Variants in PDGFRL observed in about 807,000 individuals in gnomAD.
PDGFRL encodes the protein platelet-derived growth factor receptor-like protein.
In PDGFRL, 46 loss-of-function variants were observed where a neutral mutation model predicts 37.2. The ratio of observed to expected loss-of-function variants is 1.24; its 90% CI spans 0.98 to 1.58. PDGFRL has a LOEUF of 1.58. Ranked by LOEUF, PDGFRL falls within the 40% of genes most tolerant of loss-of-function variation. PDGFRL has a pLI of 0.00. For synonymous variants in PDGFRL, 251 were observed against 184.3 expected (o/e 1.36, Z -2.93); for missense variants, 692 against 467.6 (o/e 1.48, Z -4.43).
chr8:17,586,385 T>C (rs141044108), intron 1 of PDGFRL, among the ~76,000 whole-genome samples: 2 of 152,176 alleles, frequency 1.3e-5, no homozygotes, highest in Non-Finnish European at 2.9e-5. Flanking sequence ...TGGAACTCCA[T>C]GTCACATCAA....
chr8:17,582,603 T>C (rs1198147976), intron 1 of PDGFRL, among the ~76,000 whole-genome samples: 1 of 144,552 alleles, frequency 6.9e-6, no homozygotes, highest in East Asian at 2.1e-4. Flanking sequence ...AAAAAAAACT[T>C]AGGCTCAAGA....
At chr8:17,578,070 A>T (rs963511270) in intron 1 of PDGFRL, among the ~76,000 whole-genome samples, 2 of 151,404 alleles carry the variant, frequency 1.3e-5, no homozygotes, top group African/African-American at 4.9e-5. Flanking sequence ...GGGTGTGTGT[A>T]TTACTGTGGT....
chr8:17,624,291 A>G (rs1053868174), intron 3 of PDGFRL, among the ~76,000 whole-genome samples: 86 of 152,308 alleles, frequency 5.6e-4, no homozygotes, highest in African/African-American at 2.0e-3. Flanking sequence ...TTGATTAAAA[A>G]CACTGAAGCT....
At chr8:17,594,631 G>A (rs1417148906) in intron 2 of PDGFRL, among the ~76,000 whole-genome samples, 1 of 149,342 alleles carries the variant, frequency 6.7e-6, no homozygotes, top group Admixed American at 6.7e-5. Flanking sequence ...CTCAGCTCAC[G>A]GCAACCTCCG....
intron 5 of PDGFRL, among the ~76,000 whole-genome samples, chr8:17,638,352 T>C (rs964567819): frequency 6.6e-6 from 1 of 152,148 alleles, no homozygotes; most frequent in Non-Finnish European, 1.5e-5. Flanking sequence ...TTTGTATGTT[T>C]TGAGGGTTGC....
At chr8:17,600,710 A>G (rs932676220) in intron 2 of PDGFRL, among the ~76,000 whole-genome samples, 1 of 151,818 alleles carries the variant, frequency 6.6e-6, no homozygotes, top group Admixed American at 6.6e-5. Flanking sequence ...TGCTGTGGTG[A>G]GAAGATCACT....
rs3040922 is a variant in PDGFRL at position 17,609,634 on chromosome 8, TAAAAAAAAAAAAA to T, written c.354-11398_354-11386del. On this transcript the variant is annotated intron_variant, in intron 2 of 5. Transcript: ENST00000251630. The stretch of plus-strand genomic sequence containing the variant: ...GCCTGGGTGACAGAGTGAGACTCTG[TAAAAAAAAAAAAA>T]AAAAAAAAAAAAAAAAAATAAGAGC... 3.4e-4 allele frequency among the ~76,000 whole-genome samples: 15 copies of T among 43,546 alleles called. 1 individual carries two copies. In the East Asian group the frequency reaches 6.3e-3, roughly 18 times the overall value. 28.6% of individuals were successfully genotyped at this position (43,546 alleles called of 152,430 possible).
chr8:17,618,577 C>G (rs1804573657), intron 2 of PDGFRL, among the ~76,000 whole-genome samples: 2 of 152,192 alleles, frequency 1.3e-5, no homozygotes, highest in South Asian at 2.1e-4. Context: ...GGAAGACTTG[C>G]TCACAAGCGA....
chr8:17,606,437 T>A (rs971374998), intron 2 of PDGFRL, among the ~76,000 whole-genome samples: 1 of 152,186 alleles, frequency 6.6e-6, no homozygotes, highest in Admixed American at 6.5e-5. Flanking sequence ...TAATTTGCAG[T>A]GGCCAGTCAA....
At chr8:17,641,674 A>G (rs909777065) in intron 5 of PDGFRL, among the ~76,000 whole-genome samples, 6 of 152,212 alleles carry the variant, frequency 3.9e-5, no homozygotes, top group African/African-American at 1.2e-4. Context: ...GCTTGCTAAA[A>G]TAACAGCTCT....
chr8:17,626,189 C>A (rs192505628), intron 3 of PDGFRL, among the ~76,000 whole-genome samples: 1 of 152,338 alleles, frequency 6.6e-6, no homozygotes, highest in Admixed American at 6.5e-5. Context: ...ACTCCAGATT[C>A]TTCTCTTGAC....
intron 2 of PDGFRL, among the ~76,000 whole-genome samples, chr8:17,604,719 AAAACTT>A (rs1441481123): frequency 6.6e-6 from 1 of 152,226 alleles, no homozygotes; most frequent in Non-Finnish European, 1.5e-5. Context: ...CATGTACTCT[AAAACTT>A]AAAGTATAAT....
intron 2 of PDGFRL, among the ~76,000 whole-genome samples, chr8:17,609,127 G>T (rs1252569798): frequency 1.3e-5 from 2 of 152,124 alleles, no homozygotes; most frequent in African/African-American, 4.8e-5. Context: ...AGGCTGGGGT[G>T]GGTGGTTGAG....
Position 17,597,502 on chromosome 8 carries a change from T to C in PDGFRL, c.353+7737T>C, listed in dbSNP as rs566780961. Among the ~76,000 whole-genome samples, 3 of 152,232 alleles carry C rather than the reference T, an allele frequency of 2.0e-5. No individual in the cohort carries two copies. In the East Asian group the frequency reaches 5.8e-4, roughly 29 times the overall value. On this transcript the variant is annotated intron_variant, in intron 2 of 5. Transcript: ENST00000251630. ...AAGAAGAAGGAGATCTAATGAACTT[T>C]AGAGCTCTAGGAAGTAAAATGCCCA...
intron 2 of PDGFRL, among the ~76,000 whole-genome samples, chr8:17,595,206 C>A (rs1804026348): frequency 6.6e-6 from 1 of 152,180 alleles, no homozygotes; most frequent in South Asian, 2.1e-4. Context: ...GGGACTCCGC[C>A]CTCCACTCAC....
At chr8:17,628,238 C>G (rs1804777014) in intron 3 of PDGFRL, among the ~76,000 whole-genome samples, 1 of 151,954 alleles carries the variant, frequency 6.6e-6, no homozygotes, top group African/African-American at 2.4e-5. Context: ...TCGTGATCTG[C>G]CCGCCTCAGC....
chr8:17,584,940 C>T (rs888327500), intron 1 of PDGFRL, among the ~76,000 whole-genome samples: 1 of 151,952 alleles, frequency 6.6e-6, no homozygotes, highest in African/African-American at 2.4e-5. Context: ...CTTATACTTA[C>T]GGTTACTTCT....
intron 5 of PDGFRL, among the ~76,000 whole-genome samples, chr8:17,639,385 C>A (rs921838799): frequency 6.6e-6 from 1 of 151,940 alleles, no homozygotes; most frequent in Admixed American, 6.6e-5. Flanking sequence ...GAGATTTATG[C>A]TTTAAGAAGG....
At chr8:17,610,438 A>C (rs1370615608) in intron 2 of PDGFRL, among the ~76,000 whole-genome samples, 1 of 152,180 alleles carries the variant, frequency 6.6e-6, no homozygotes, top group Non-Finnish European at 1.5e-5. Flanking sequence ...CAGATTTTCA[A>C]ATTAGGGATG....
Sources: gnomAD v4.1 joint callset for allele counts (sites outside exome capture counted in the v4.1 genomes callset) on GRCh38, gnomAD v4.1.1 for gene constraint, MANE v1.5 for transcripts, NCBI Gene and HGNC (gene_info 2026-07-23, HGNC 2026-07-21) for gene names.